PTPRD: variants seen among roughly 807,000 people sequenced by gnomAD.
The protein encoded by PTPRD is receptor-type tyrosine-protein phosphatase delta.
In PTPRD, 34 loss-of-function variants were observed where a neutral mutation model predicts 214.5. The ratio of observed to expected loss-of-function variants is 0.16; its 90% confidence interval spans 0.12 to 0.21. PTPRD has a LOEUF of 0.21. PTPRD is among the 10% of genes least tolerant of loss of function. The pLI, the probability that PTPRD is intolerant of heterozygous loss-of-function variation, is 1.00. For missense variants in PTPRD, 2,545 were observed against 2,398.7 expected, an observed-to-expected ratio of 1.06 and a Z score of -1.27; for synonymous variants, 1,128 against 845.7, an observed-to-expected ratio of 1.33 and a Z score of -5.79.
chr9:9,400,092 G>GTTTTTTTTTTTTTTTTTTTTTTTT lies in PTPRD; in HGVS notation c.-236-2611_-236-2610insAAAAAAAAAAAAAAAAAAAAAAAA, dbSNP rs3048790. Among the ~76,000 whole-genome samples the GTTTTTTTTTTTTTTTTTTTTTTTT allele has an allele frequency of 2.0e-5, 2 of 101,084 alleles. 1 individual carries two copies. 66.3% of individuals were successfully genotyped at this position (101,084 alleles called of 152,430 possible). A position where few individuals can be genotyped will look rare whatever the true frequency, so the allele number is the denominator to read the frequency against. ...AGTGTGGACCTAACTTTACCTACTAGTTTTTTTTTTTTTTTTTTGGACTGG... is the reference window on the plus strand; with the variant it reads ...AGTGTGGACCTAACTTTACCTACTAGTTTTTTTTTTTTTTTTTTTTTTTTTTTTTTTTTTTTTTTTTTGGACTGG... On this transcript the variant is annotated intron_variant, in intron 8 of 45. Coordinates refer to ENST00000381196, the MANE Select transcript of PTPRD (RefSeq NM_002839.4).
At chr9:9,432,685 G>T (rs370542444) in intron 8 of PTPRD, among the ~76,000 whole-genome samples, 1 of 152,108 alleles carries the variant, frequency 6.6e-6, no homozygotes, top group Non-Finnish European at 1.5e-5. Flanking sequence ...AGATATTTAG[G>T]ATTTCACAAT....
intron 4 of PTPRD, among the ~76,000 whole-genome samples, chr9:9,962,232 T>C (rs1197340849): frequency 2.6e-5 from 4 of 151,992 alleles, no homozygotes; most frequent in Admixed American, 1.3e-4. Context: ...GGTCAAGTTA[T>C]CCTAGGAGAA....
intron 12 of PTPRD, among the ~76,000 whole-genome samples, chr9:8,659,521 T>A (rs750326991): frequency 6.6e-6 from 1 of 152,240 alleles, no homozygotes; most frequent in Non-Finnish European, 1.5e-5. Context: ...TCCAGGAATA[T>A]ATCTTTGAAG....
At chr9:9,347,328 A>C (rs529639071) in intron 9 of PTPRD, among the ~76,000 whole-genome samples, 147 of 149,824 alleles carry the variant, frequency 9.8e-4, no homozygotes, top group South Asian at 2.9e-3. Context: ...ATAAATATAT[A>C]TATATATCTA....
chr9:8,561,966 C>T (rs1162817476), intron 14 of PTPRD, among the ~76,000 whole-genome samples: 1 of 152,008 alleles, frequency 6.6e-6, no homozygotes, highest in Non-Finnish European at 1.5e-5. Flanking sequence ...TACTTATAGT[C>T]CTACTAGAGT....
At chr9:9,972,128 G>A (rs979829768) in intron 4 of PTPRD, among the ~76,000 whole-genome samples, 9 of 152,014 alleles carry the variant, frequency 5.9e-5, no homozygotes, top group South Asian at 2.1e-4. Context: ...ATCTGGTTAC[G>A]TAGAAATTGA....
intron 25 of PTPRD, 56 bp downstream of exon 25, chr9:8,499,586 GGATAT>G (rs1563856948): frequency 9.2e-6 from 14 of 1,520,628 alleles, no homozygotes; most frequent in African/African-American, 1.4e-5. Context: ...AGCAATTTCA[GGATAT>G]GAACTAAGAT....
chr9:10,190,386 G>GGAAAAA (rs2099357566), intron 3 of PTPRD, among the ~76,000 whole-genome samples: 1 of 50,156 alleles, frequency 2.0e-5, no homozygotes, highest in African/African-American at 7.2e-5. Context: ...TCTATCTCCA[G>GGAAAAA]AAAAAAAAAA....
chr9:9,147,431 A>G lies in PTPRD; in HGVS notation c.-143+35873T>C, dbSNP rs191430052. On this transcript the variant is annotated intron_variant, in intron 10 of 45. Transcript: ENST00000381196. ...TTTGGCACTTACCATAAATTTTACTACTGAAGCTTCTACTTATTCTCTCCT... is the reference window on the plus strand; with the variant it reads ...TTTGGCACTTACCATAAATTTTACTGCTGAAGCTTCTACTTATTCTCTCCT... 9.2e-5 allele frequency among the ~76,000 whole-genome samples: 14 copies of G among 152,104 alleles called. No individual in the cohort carries two copies. In the East Asian group the frequency reaches 2.7e-3, roughly 30 times the overall value.
chr9:9,610,553 T>G (rs998152086), intron 7 of PTPRD, among the ~76,000 whole-genome samples: 2 of 152,188 alleles, frequency 1.3e-5, no homozygotes, highest in African/African-American at 4.8e-5. Context: ...GAGACCAGTA[T>G]GCTACCTTGG....
Position 9,985,298 on chromosome 9 carries a change from C to CT in PTPRD, c.-471-46689dup, listed in dbSNP as rs148497548. Reference sequence around the variant, plus strand: ...AGTTTTCTTATATTCTATAATCACTCTTTTTTCATGATTTTATAATTTTTG... The same window carrying CT: ...AGTTTTCTTATATTCTATAATCACTCTTTTTTTCATGATTTTATAATTTTTG... On this transcript the variant is annotated intron_variant, in intron 4 of 45. Coordinates refer to ENST00000381196, the MANE Select transcript of PTPRD (RefSeq NM_002839.4). Among the ~76,000 whole-genome samples, 603 of 152,210 alleles carry CT rather than the reference C, an allele frequency of 4.0e-3. 1 individual carries two copies. Among genetic ancestry groups the CT allele is most frequent in the Non-Finnish European group, 6.8e-3 (459 of 67,998 alleles).
At chr9:9,521,990 T>G (rs1253365134) in intron 8 of PTPRD, among the ~76,000 whole-genome samples, 1 of 151,912 alleles carries the variant, frequency 6.6e-6, no homozygotes, top group Non-Finnish European at 1.5e-5. Context: ...AAACCCTGTG[T>G]TTACTAAAAA....
chr9:9,657,483 G>C (rs538056055), intron 7 of PTPRD, among the ~76,000 whole-genome samples: 1 of 152,226 alleles, frequency 6.6e-6, no homozygotes, highest in South Asian at 2.1e-4. Flanking sequence ...GATAGCATTA[G>C]GAGAAATACC....
chr9:9,949,623 T>C (rs894628098), intron 4 of PTPRD, among the ~76,000 whole-genome samples: 2 of 152,174 alleles, frequency 1.3e-5, no homozygotes, highest in African/African-American at 2.4e-5. Flanking sequence ...CTCCTAGTCC[T>C]ACTACGGAGT....
At chr9:9,268,147 A>G (rs904322160) in intron 9 of PTPRD, among the ~76,000 whole-genome samples, 5 of 151,258 alleles carry the variant, frequency 3.3e-5, no homozygotes, top group Non-Finnish European at 5.9e-5. Context: ...AAAAGCTGTT[A>G]CTAATAAATT....
intron 7 of PTPRD, among the ~76,000 whole-genome samples, chr9:9,606,681 A>G (rs1447990331): frequency 6.6e-6 from 1 of 152,030 alleles, no homozygotes; most frequent in African/African-American, 2.4e-5. Context: ...TTATGTATTT[A>G]TACTACCAAC....
At chr9:9,568,467 A>G (rs1375629465) in intron 8 of PTPRD, among the ~76,000 whole-genome samples, 2 of 151,906 alleles carry the variant, frequency 1.3e-5, no homozygotes, top group Non-Finnish European at 2.9e-5. Context: ...AGTATGTGAC[A>G]TGTAATAAAT....
intron 11 of PTPRD, among the ~76,000 whole-genome samples, chr9:8,805,989 C>T (rs1183163604): frequency 1.2e-4 from 16 of 134,740 alleles, no homozygotes; most frequent in African/African-American, 3.2e-4. Context: ...AACGAGACTC[C>T]GTCTCAGAAA....
At chr9:10,422,504 C>T (rs1356488500) in intron 2 of PTPRD, among the ~76,000 whole-genome samples, 1 of 151,810 alleles carries the variant, frequency 6.6e-6, no homozygotes, top group Non-Finnish European at 1.5e-5. Flanking sequence ...AAGAAACTAC[C>T]ATCAGAGTAA....
Sources: gnomAD v4.1 joint callset for allele counts (sites outside exome capture counted in the v4.1 genomes callset) on GRCh38, gnomAD v4.1.1 for gene constraint, MANE v1.5 for transcripts, NCBI Gene and HGNC (gene_info 2026-07-23, HGNC 2026-07-21) for gene names.